Variants in SHB observed in about 807,000 individuals in gnomAD.
The protein encoded by SHB is SH2 domain-containing adapter protein B.
In SHB, 20 loss-of-function variants were observed where a neutral mutation model predicts 52.3. The observed-to-expected ratio is 0.38, with a 90% confidence interval of 0.27 to 0.56. The LOEUF is 0.56. Among genes scored for constraint, SHB ranks in the 20% least tolerant of loss-of-function variants. The probability of loss-of-function intolerance (pLI) is 0.71; values close to 1 mark genes in which losing one functional copy is unlikely to be tolerated. For synonymous variants in SHB, 397 were observed against 316.5 expected, an observed-to-expected ratio of 1.25 and a Z score of -2.70; for missense variants, 825 against 723.3, an observed-to-expected ratio of 1.14 and a Z score of -1.61.
chr9:38,052,889 C>T (rs1024917083), intron 1 of SHB, among the ~76,000 whole-genome samples: 18 of 152,254 alleles, frequency 1.2e-4, no homozygotes. Context: ...TCTAAATATC[C>T]AGATCCTCCT....
chr9:38,026,419 C>T (rs1821344982), intron 1 of SHB, among the ~76,000 whole-genome samples: 1 of 152,238 alleles, frequency 6.6e-6, no homozygotes, highest in Admixed American at 6.5e-5. Flanking sequence ...ATCATTTCTC[C>T]CCGAACGGGA....
At chr9:37,980,886 G>C (rs1820715933) in intron 2 of SHB, among the ~76,000 whole-genome samples, 1 of 111,656 alleles carries the variant, frequency 9.0e-6, no homozygotes, top group Non-Finnish European at 1.8e-5. Context: ...ATCTTTAAAG[G>C]AATCTTTTTT....
chr9:37,976,835 T>C (rs1820663217), intron 2 of SHB, among the ~76,000 whole-genome samples: 3 of 152,200 alleles, frequency 2.0e-5, no homozygotes, highest in Non-Finnish European at 2.9e-5. Context: ...ACAGGAGTTA[T>C]GCTCCTTGAA....
intron 1 of SHB, among the ~76,000 whole-genome samples, chr9:38,037,278 A>C: frequency 6.6e-6 from 1 of 152,182 alleles, no homozygotes; most frequent in South Asian, 2.1e-4. Flanking sequence ...ACTCCGTGTC[A>C]TTTGGAAACT....
At chr9:38,028,236 T>C (rs911796995) in intron 1 of SHB, among the ~76,000 whole-genome samples, 3 of 152,124 alleles carry the variant, frequency 2.0e-5, no homozygotes, top group African/African-American at 7.2e-5. Flanking sequence ...CCTATGGGCC[T>C]CTTTAGATCC....
intron 1 of SHB, among the ~76,000 whole-genome samples, chr9:38,044,947 G>A (rs1323346908): frequency 6.6e-6 from 1 of 152,224 alleles, no homozygotes; most frequent in Non-Finnish European, 1.5e-5. Flanking sequence ...GGGAGGTCAG[G>A]AAGCCTCCCA....
chr9:38,044,284 G>A (rs891989453), intron 1 of SHB, among the ~76,000 whole-genome samples: 1 of 152,306 alleles, frequency 6.6e-6, no homozygotes, highest in South Asian at 2.1e-4. Context: ...ACTGCCTGTG[G>A]GCCAAAGGCT....
chr9:38,024,118 A>C (rs1048863557), intron 1 of SHB, among the ~76,000 whole-genome samples: 2 of 152,332 alleles, frequency 1.3e-5, no homozygotes, highest in Admixed American at 6.5e-5. Flanking sequence ...CTTGCCTCAA[A>C]GTTCAAAGCC....
chr9:37,978,402 C>A (rs1820679447), intron 2 of SHB, among the ~76,000 whole-genome samples: 1 of 152,168 alleles, frequency 6.6e-6, no homozygotes, highest in African/African-American at 2.4e-5. Context: ...TTCAAATTTT[C>A]ATTAAGGCCC....
chr9:37,943,197 T>C (rs1035718980), intron 5 of SHB, among the ~76,000 whole-genome samples: 2 of 152,326 alleles, frequency 1.3e-5, no homozygotes, highest in Admixed American at 1.3e-4. Context: ...TTTTCTCCCC[T>C]GTGCATGGGT....
intron 1 of SHB, among the ~76,000 whole-genome samples, chr9:38,016,924 T>TC (rs1374924491): frequency 1.3e-5 from 2 of 152,228 alleles, no homozygotes; most frequent in African/African-American, 4.8e-5. Context: ...AGAAAAATTC[T>TC]CCAACTCACA....
chr9:37,935,175 G>A (rs1305511557), intron 5 of SHB, among the ~76,000 whole-genome samples: 1 of 152,204 alleles, frequency 6.6e-6, no homozygotes, highest in Non-Finnish European at 1.5e-5. Flanking sequence ...TCCTGCGTTT[G>A]TTGCCTCAGT....
At chr9:37,940,917 G>C (rs1234142660) in intron 5 of SHB, among the ~76,000 whole-genome samples, 2 of 152,290 alleles carry the variant, frequency 1.3e-5, no homozygotes, top group African/African-American at 4.8e-5. Flanking sequence ...AAGGATACCT[G>C]TTGAGTGGTC....
chr9:38,020,084 C>T (rs950634053), intron 1 of SHB, among the ~76,000 whole-genome samples: 1 of 152,172 alleles, frequency 6.6e-6, no homozygotes, highest in African/African-American at 2.4e-5. Context: ...CCAAACTGAC[C>T]CCTCTTTGGG....
intron 1 of SHB, among the ~76,000 whole-genome samples, chr9:38,056,999 C>T (rs760887373): frequency 7.9e-5 from 12 of 152,210 alleles, no homozygotes; most frequent in Non-Finnish European, 1.3e-4. Context: ...AAACAGGTGT[C>T]AACTTGTAAG....
At chr9:38,038,656 C>T (rs1052456014) in intron 1 of SHB, among the ~76,000 whole-genome samples, 1 of 152,106 alleles carries the variant, frequency 6.6e-6, no homozygotes, top group Non-Finnish European at 1.5e-5. Context: ...AGACTCCTTC[C>T]TGCCCCAGCC....
At chr9:37,947,996 T>C (rs1321968440) in intron 5 of SHB, among the ~76,000 whole-genome samples, 1 of 152,248 alleles carries the variant, frequency 6.6e-6, no homozygotes, top group African/African-American at 2.4e-5. Context: ...AACTAAAACA[T>C]GCTTTTCTTA....
At chr9:37,991,901 T>G (rs1278517327) in intron 2 of SHB, among the ~76,000 whole-genome samples, 1 of 151,984 alleles carries the variant, frequency 6.6e-6, no homozygotes, top group Non-Finnish European at 1.5e-5. Context: ...TCTGAAGGGG[T>G]TACAGGCAGC....
intron 2 of SHB, among the ~76,000 whole-genome samples, chr9:37,987,526 T>C (rs150332004): frequency 1.3e-5 from 2 of 152,268 alleles, no homozygotes; most frequent in African/African-American, 4.8e-5. Context: ...AGGCAGGCAC[T>C]GAAGAGCCCA....
Sources: gnomAD v4.1 joint callset for allele counts (sites outside exome capture counted in the v4.1 genomes callset) on GRCh38, gnomAD v4.1.1 for gene constraint, MANE v1.5 for transcripts, NCBI Gene and HGNC (gene_info 2026-07-23, HGNC 2026-07-21) for gene names.